Variants in KANSL1L observed in about 807,000 individuals in gnomAD.
The protein encoded by KANSL1L is KAT8 regulatory NSL complex subunit 1 like.
Under a neutral mutation model 108.6 loss-of-function variants are expected in KANSL1L, and 25 were observed. The ratio of observed to expected loss-of-function variants is 0.23; its 90% confidence interval spans 0.17 to 0.32. KANSL1L has a LOEUF of 0.32. KANSL1L is among the 10% of genes least tolerant of loss of function. The pLI, the probability that KANSL1L is intolerant of heterozygous loss-of-function variation, is 1.00. For missense variants in KANSL1L, 1,137 were observed against 1,125.7 expected, an observed-to-expected ratio of 1.01 and a Z score of -0.14; for synonymous variants, 405 against 395.1, an observed-to-expected ratio of 1.03 and a Z score of -0.30.
At chr2:210,031,587 AAC>A in intron 8 of KANSL1L, 41 bp from the exon 9 acceptor site, 1 of 1,320,228 alleles carries the variant, frequency 7.6e-7, no homozygotes, top group Non-Finnish European at 1.0e-6. Flanking sequence ...TTAGTTCCTT[AAC>A]ACAGACAGTG....
upstream of KANSL1L, among the ~76,000 whole-genome samples, chr2:210,172,033 A>G (rs1444627490): frequency 6.6e-6 from 1 of 151,262 alleles, no homozygotes; most frequent in African/African-American, 2.4e-5. Flanking sequence ...TTAAGTCTCT[A>G]CAAATCTGGT....
intron 2 of KANSL1L, among the ~76,000 whole-genome samples, chr2:210,134,716 G>A (rs1293025257): frequency 6.6e-6 from 1 of 152,086 alleles, no homozygotes; most frequent in Non-Finnish European, 1.5e-5. Context: ...TAACAACTAT[G>A]ACAAAATGAG....
chr2:210,053,106 T>G (rs960926521), intron 6 of KANSL1L, among the ~76,000 whole-genome samples: 8 of 152,226 alleles, frequency 5.3e-5, no homozygotes, highest in Non-Finnish European at 1.2e-4. Context: ...GATAGCATAC[T>G]AAGAACTATA....
intron 5 of KANSL1L, chr2:210,096,672 T>C (rs2094738711): frequency 7.1e-6 from 7 of 979,806 alleles, no homozygotes; most frequent in East Asian, 2.3e-4. Flanking sequence ...CATTATGACT[T>C]TCCTAATTAG....
chr2:210,145,015 G>A lies in KANSL1L; in HGVS notation c.1088+8480C>T, dbSNP rs559764684. Among the ~76,000 whole-genome samples the A allele has an allele frequency of 3.9e-5, 6 of 152,308 alleles. No individual in the cohort carries two copies. In the South Asian group the frequency reaches 8.3e-4, roughly 21 times the overall value. On this transcript the variant is annotated intron_variant, in intron 2 of 14. Transcript: ENST00000281772. ...GTGGGTGTGAGGACACCAGCTGGGT[G>A]CAGTGTGACAGTTCTGACTCCAGTA... is the stretch of plus-strand genomic sequence containing the variant.
chr2:210,089,393 A>G (rs1224102872), intron 5 of KANSL1L, among the ~76,000 whole-genome samples: 2 of 152,194 alleles, frequency 1.3e-5, no homozygotes, highest in Non-Finnish European at 2.9e-5. Context: ...AAAGATATAC[A>G]TATTAGGTTG....
rs148878527 is a variant in KANSL1L at position 210,037,407 on chromosome 2, A to G, written c.2029+3013T>C. Among the ~76,000 whole-genome samples, 412 of 152,286 alleles carry G rather than the reference A, an allele frequency of 2.7e-3. 10 individuals carry two copies. The highest frequency in any genetic ancestry group is 0.024 in the Admixed American group (364 of 15,302). On this transcript the variant is annotated intron_variant, in intron 8 of 14. Coordinates refer to ENST00000281772, the MANE Select transcript of KANSL1L (RefSeq NM_152519.4). ...TGCATTTTTTTCCCTTTTGAAAACA[A>G]TCTAGTCTCGGGACAAATTCCAACA...
At chr2:210,145,581 C>A (rs779281300) in intron 2 of KANSL1L, among the ~76,000 whole-genome samples, 2 of 152,130 alleles carry the variant, frequency 1.3e-5, no homozygotes, top group African/African-American at 4.8e-5. Flanking sequence ...AGCTCCAGGG[C>A]GCAGGATACA....
At chr2:210,128,732 A>G (rs993087305) in intron 3 of KANSL1L, among the ~76,000 whole-genome samples, 3 of 152,216 alleles carry the variant, frequency 2.0e-5, no homozygotes, top group Non-Finnish European at 4.4e-5. Flanking sequence ...AAAAATGGTT[A>G]AGATGTTAAG....
chr2:210,145,393 C>T (rs1041531037), intron 2 of KANSL1L, among the ~76,000 whole-genome samples: 2 of 152,166 alleles, frequency 1.3e-5, no homozygotes, highest in African/African-American at 4.8e-5. Context: ...CACCCATATT[C>T]AGAGTGCAGG....
chr2:210,098,320 T>C (rs925926866), intron 4 of KANSL1L, 113 bp from the exon 5 acceptor site: 8 of 934,358 alleles, frequency 8.6e-6, no homozygotes, highest in Admixed American at 3.0e-5. Flanking sequence ...GTTTTTATTT[T>C]AGTAAATGTT....
chr2:210,062,323 G>A (rs567735619), intron 6 of KANSL1L, among the ~76,000 whole-genome samples: 4 of 152,290 alleles, frequency 2.6e-5, no homozygotes, highest in East Asian at 3.9e-4. Flanking sequence ...ACGTGGAACC[G>A]TAGTCTATTA....
At chr2:210,148,734 A>G (rs2095282542) in intron 2 of KANSL1L, among the ~76,000 whole-genome samples, 1 of 152,182 alleles carries the variant, frequency 6.6e-6, no homozygotes, top group Non-Finnish European at 1.5e-5. Context: ...GAAAAGTAAC[A>G]AAGTCAAGCG....
rs2094570359 is a variant in KANSL1L, at chr2:210,079,646, A to ATATATATATATATGTGTG, written c.1551-3891_1551-3890insCACACATATATATATATA. 3.0e-4 allele frequency among the ~76,000 whole-genome samples: 4 copies of ATATATATATATATGTGTG among 13,126 alleles called. 1 individual carries two copies. Among genetic ancestry groups the ATATATATATATATGTGTG allele is most frequent in the African/African-American group, 5.6e-4 (2 of 3,562 alleles). 8.6% of individuals were successfully genotyped at this position (13,126 alleles called of 152,430 possible). Reference sequence around the variant, plus strand: ...TATATATATATATATATATATATATATATATATATATATATATATGTATGT... The same window carrying ATATATATATATATGTGTG: ...TATATATATATATATATATATATATATATATATATATATGTGTGTATATATATATATATATATGTATGT... On this transcript the variant is annotated intron_variant, in intron 5 of 14. Transcript: ENST00000281772.
chr2:210,116,293 G>A (rs2094953209), intron 3 of KANSL1L, among the ~76,000 whole-genome samples: 1 of 152,162 alleles, frequency 6.6e-6, no homozygotes, highest in South Asian at 2.1e-4. Context: ...GTCCCAAGAT[G>A]GCATCTCTAG....
intron 6 of KANSL1L, among the ~76,000 whole-genome samples, chr2:210,059,605 T>G (rs2094397559): frequency 6.6e-6 from 1 of 152,196 alleles, no homozygotes; most frequent in South Asian, 2.1e-4. Context: ...TGCTATAAAT[T>G]TATCTCTCCA....
chr2:210,068,162 C>T (rs1273155537), intron 6 of KANSL1L, among the ~76,000 whole-genome samples: 2 of 152,184 alleles, frequency 1.3e-5, no homozygotes, highest in South Asian at 2.1e-4. Flanking sequence ...AGGCGTGAGC[C>T]ACCGCGCCCG....
chr2:210,115,208 A>G (rs1264195094), intron 3 of KANSL1L, among the ~76,000 whole-genome samples: 1 of 152,172 alleles, frequency 6.6e-6, no homozygotes, highest in East Asian at 1.9e-4. Flanking sequence ...CTTAAGTCCA[A>G]CGACACAAGT....
At position 210,153,759 on chromosome 2, in the gene KANSL1L, A is replaced by T; in HGVS notation, c.824T>A (p.Phe275Tyr). The change falls in exon 2 of 15, where the codon TTT becomes TAT. Residue 275 changes from phenylalanine to tyrosine, a missense_variant. By Grantham distance (22) the Phe-to-Tyr change is conservative (BLOSUM62 3). This residue lies in a region of KANSL1L where 556 missense variants were observed against 537.7 expected (regional missense o/e 1.03). Coordinates refer to ENST00000281772, the MANE Select transcript of KANSL1L (RefSeq NM_152519.4). ...ACCCAAAATTGTGGTAGGTTCATGA[A>T]ATGTCTTCATTTTGGGGAGTTGATG... ...MKHQLPKMKT[F>Y]HEPTTILGNS... 1 of 1,611,562 alleles carries T rather than the reference A, an allele frequency of 6.2e-7. No individual in the cohort carries two copies. The highest frequency in any genetic ancestry group is 8.5e-7 in the Non-Finnish European group (1 of 1,179,156).
Sources: allele counts gnomAD v4.1 joint callset (sites outside exome capture counted in the v4.1 genomes callset), GRCh38; gene constraint gnomAD v4.1.1; regional missense constraint gnomAD v4.1.1; transcripts MANE v1.5; gene names NCBI Gene and HGNC (gene_info 2026-07-23, HGNC 2026-07-21).